LINGO2: variants seen among roughly 807,000 people sequenced by gnomAD.
The protein encoded by LINGO2 is leucine-rich repeat and immunoglobulin-like domain-containing nogo receptor-interacting protein 2.
In LINGO2, 14 loss-of-function variants were observed where a neutral mutation model predicts 30.6. That is an observed-to-expected ratio of 0.46 (90% CI 0.30 to 0.72). The LOEUF is 0.72. Among genes scored for constraint, LINGO2 ranks in the 30% least tolerant of loss-of-function variants. The pLI is 0.07. For synonymous variants in LINGO2, 317 were observed against 288.5 expected (o/e 1.10, Z -1.00); for missense variants, 729 against 751.7 (o/e 0.97, Z 0.35).
the LINGO2 span, among the ~76,000 whole-genome samples, chr9:28,684,306 G>A: frequency 2.4e-4 from 33 of 139,004 alleles, no homozygotes; most frequent in African/African-American, 8.8e-4. Flanking sequence ...TCCTGCCTCA[G>A]CCTCCAGAGT....
the LINGO2 span, among the ~76,000 whole-genome samples, chr9:29,202,366 G>A: frequency 5.3e-5 from 8 of 151,912 alleles, 1 homozygote; most frequent in South Asian, 4.2e-4. Flanking sequence ...GCAAAGCCAC[G>A]GAGACATATT....
At chr9:28,970,112 TGAAGA>T in the LINGO2 span, among the ~76,000 whole-genome samples, 1 of 151,774 alleles carries the variant, frequency 6.6e-6, no homozygotes, top group African/African-American at 2.4e-5. Flanking sequence ...GGAATAATAG[TGAAGA>T]GAAGAGATGA....
intron 4 of LINGO2, among the ~76,000 whole-genome samples, chr9:28,149,528 G>T (rs1056281977): frequency 1.3e-5 from 2 of 151,588 alleles, no homozygotes; most frequent in African/African-American, 4.9e-5. Context: ...TGGGAAGTGA[G>T]GAGCGCCTCT....
the LINGO2 span, among the ~76,000 whole-genome samples, chr9:29,059,028 A>G: frequency 6.6e-6 from 1 of 152,012 alleles, no homozygotes; most frequent in East Asian, 1.9e-4. Context: ...TGGAAATAAA[A>G]TTTAAAAATA....
At chr9:28,837,411 C>G in the LINGO2 span, among the ~76,000 whole-genome samples, 1 of 150,928 alleles carries the variant, frequency 6.6e-6, no homozygotes, top group African/African-American at 2.4e-5. Context: ...TTTGGGAGGC[C>G]GAGGCGGGTG....
intron 2 of LINGO2, among the ~76,000 whole-genome samples, chr9:28,464,936 G>A (rs73644047): frequency 1.3e-5 from 2 of 152,172 alleles, no homozygotes; most frequent in Admixed American, 6.5e-5. Flanking sequence ...TACTCAGCCC[G>A]CAGTGCTCAA....
chr9:28,848,397 G>GTGTGTATATATATATATA, the LINGO2 span, among the ~76,000 whole-genome samples: 85 of 48,400 alleles, frequency 1.8e-3, no homozygotes, highest in Non-Finnish European at 2.6e-3. Context: ...GTGTGTGTGT[G>GTGTGTATATATATATATA]TATATATATA....
intron 5 of LINGO2, among the ~76,000 whole-genome samples, chr9:27,969,653 G>A (rs777316091): frequency 1.1e-4 from 16 of 151,998 alleles, no homozygotes; most frequent in Non-Finnish European, 1.9e-4. Context: ...GATAGAAAGG[G>A]GATTCAAACT....
chr9:28,106,529 C>T (rs561818981), intron 4 of LINGO2, among the ~76,000 whole-genome samples: 13 of 152,250 alleles, frequency 8.5e-5, no homozygotes, highest in Middle Eastern at 6.8e-3. Context: ...GAGAAATTTA[C>T]TATTGAGGCT....
chr9:28,350,954 G>C (rs1179305133), intron 3 of LINGO2, among the ~76,000 whole-genome samples: 4 of 151,824 alleles, frequency 2.6e-5, no homozygotes, highest in Non-Finnish European at 5.9e-5. Context: ...AAACCAACGA[G>C]AACAAAGACA....
intron 1 of LINGO2, among the ~76,000 whole-genome samples, chr9:28,642,163 C>A (rs967018629): frequency 2.0e-5 from 3 of 151,518 alleles, no homozygotes; most frequent in Non-Finnish European, 4.4e-5. Context: ...TATTAAATAT[C>A]TTCAATATAC....
chr9:28,908,119 A>T, the LINGO2 span, among the ~76,000 whole-genome samples: 1 of 147,456 alleles, frequency 6.8e-6, no homozygotes, highest in African/African-American at 2.5e-5. Flanking sequence ...AAACTATTAC[A>T]TCTTCAATCA....
chr9:28,552,056 G>A (rs565521077), intron 1 of LINGO2, among the ~76,000 whole-genome samples: 2 of 151,686 alleles, frequency 1.3e-5, no homozygotes, highest in African/African-American at 2.4e-5. Context: ...AGTAATAATC[G>A]CTAACTGTCA....
intron 2 of LINGO2, among the ~76,000 whole-genome samples, chr9:28,468,297 C>A (rs547697169): frequency 6.6e-6 from 1 of 152,108 alleles, no homozygotes; most frequent in Non-Finnish European, 1.5e-5. Flanking sequence ...CCAGAAAGAG[C>A]GAAGTAGATC....
intron 1 of LINGO2, among the ~76,000 whole-genome samples, chr9:28,585,464 T>C (rs1448806845): frequency 6.6e-6 from 1 of 152,092 alleles, no homozygotes; most frequent in Non-Finnish European, 1.5e-5. Context: ...TTTTTGAAGT[T>C]ATAATGGTGG....
At chr9:28,186,838 G>C (rs947401437) in intron 4 of LINGO2, among the ~76,000 whole-genome samples, 5 of 152,106 alleles carry the variant, frequency 3.3e-5, no homozygotes, top group Admixed American at 3.3e-4. Context: ...TCAGCAAGGA[G>C]AAGTGTAGTA....
At chr9:28,039,089 T>A (rs761617447) in intron 4 of LINGO2, among the ~76,000 whole-genome samples, 15 of 152,198 alleles carry the variant, frequency 9.9e-5, no homozygotes, top group Non-Finnish European at 1.6e-4. Context: ...CCAAGGACCC[T>A]TTTAGTAAGC....
At chr9:28,385,823 G>T (rs1269827690) in intron 2 of LINGO2, among the ~76,000 whole-genome samples, 1 of 152,154 alleles carries the variant, frequency 6.6e-6, no homozygotes, top group Non-Finnish European at 1.5e-5. Context: ...GACCCAGAGA[G>T]AAAGGAGGGA....
chr9:28,783,636 A>C, the LINGO2 span, among the ~76,000 whole-genome samples: 7 of 152,204 alleles, frequency 4.6e-5, no homozygotes, highest in Non-Finnish European at 2.9e-5. Flanking sequence ...TACACTGAGG[A>C]AATAACATTT....
Sources: allele counts gnomAD v4.1 joint callset (sites outside exome capture counted in the v4.1 genomes callset), GRCh38; gene constraint gnomAD v4.1.1; transcripts MANE v1.5; gene names NCBI Gene and HGNC (gene_info 2026-07-23, HGNC 2026-07-21).